SLC16A4: variants seen among roughly 807,000 people sequenced by gnomAD.
The protein encoded by SLC16A4 is probable monocarboxylate transporter 5.
SLC16A4 carries 39 observed loss-of-function variants against 47.9 expected under a neutral mutation model. The observed-to-expected ratio is 0.81, with a 90% CI of 0.63 to 1.06. SLC16A4 has a LOEUF of 1.06. SLC16A4 is among the 50% of genes least tolerant of loss of function. The probability of loss-of-function intolerance (pLI) is 0.00; values close to 1 mark genes in which losing one functional copy is unlikely to be tolerated. For synonymous variants in SLC16A4, 189 were observed against 199.9 expected (o/e 0.95, Z 0.46); for missense variants, 524 against 573.8 (o/e 0.91, Z 0.89).
intron 3 of SLC16A4, among the ~76,000 whole-genome samples, 196 bp from the exon 4 acceptor site, chr1:110,381,991 G>A (rs1311282826): frequency 1.3e-5 from 2 of 152,178 alleles, no homozygotes; most frequent in African/African-American, 2.4e-5. Flanking sequence ...TTTGGAAGGG[G>A]AGTTTAAAAG....
rs1662057262 is a variant in SLC16A4, at chr1:110,377,217, C to CT, written c.1031-57_1031-56insA. 6 of 1,347,144 alleles carry CT rather than the reference C, an allele frequency of 4.5e-6. No homozygotes were observed. The South Asian group carries it at 7.6e-5, about 17-fold the overall frequency. The allele number at this position is 1,347,144 out of a possible 1,614,324, so 83.4% of individuals were successfully genotyped here. On this transcript the variant is annotated intron_variant, in intron 6 of 8. Coordinates refer to ENST00000369779, the MANE Select transcript of SLC16A4 (RefSeq NM_004696.3). The stretch of plus-strand genomic sequence containing the variant: ...CTGGTCCCTTTGAAAAATGTGAATG[C>CT]ATACAGCATCATTTCCCAAGTAATA...
chr1:110,364,660 G>A (rs1197158175), intron 8 of SLC16A4, among the ~76,000 whole-genome samples: 1 of 151,892 alleles, frequency 6.6e-6, no homozygotes, highest in African/African-American at 2.4e-5. Flanking sequence ...ACAGGTGCCC[G>A]CCACCACACC....
At chr1:110,364,900 T>C (rs1661295986) in intron 8 of SLC16A4, among the ~76,000 whole-genome samples, 1 of 151,852 alleles carries the variant, frequency 6.6e-6, no homozygotes, top group South Asian at 2.1e-4. Flanking sequence ...CACTTTTTTT[T>C]CTTTTTTTTT....
intron 7 of SLC16A4, among the ~76,000 whole-genome samples, chr1:110,376,726 T>G (rs1035520288): frequency 2.0e-5 from 3 of 150,514 alleles, no homozygotes; most frequent in Non-Finnish European, 4.4e-5. Context: ...ATCCCTTTTT[T>G]GCTTTAATTT....
chr1:110,373,580 A>T (rs1033496771), intron 8 of SLC16A4, among the ~76,000 whole-genome samples: 10 of 152,166 alleles, frequency 6.6e-5, no homozygotes, highest in African/African-American at 2.4e-4. Flanking sequence ...AATGCAAATA[A>T]GAGAGTTGGT....
intron 2 of SLC16A4, among the ~76,000 whole-genome samples, chr1:110,386,657 C>T (rs1662751589): frequency 6.6e-6 from 1 of 152,202 alleles, no homozygotes. Context: ...GGATCAGCCT[C>T]AGTGACTTAT....
At chr1:110,387,726 C>T (rs776285398) in intron 2 of SLC16A4, among the ~76,000 whole-genome samples, 1 of 115,344 alleles carries the variant, frequency 8.7e-6, no homozygotes, top group African/African-American at 3.3e-5. Flanking sequence ...ACCAACAGTG[C>T]CTATTCTGCA....
Position 110,380,977 on chromosome 1 carries a change from C to T in SLC16A4, c.526+5G>A, listed in dbSNP as rs572509211. On this transcript the variant is annotated splice_donor_5th_base_variant and intron_variant, in intron 5 of 8. Transcript: ENST00000369779. Reference sequence around the variant, plus strand: ...TTGATAGTAAATAAACTTAGAATGACGTACCTGTCCAGTCATACAGATCTA... The same window carrying T: ...TTGATAGTAAATAAACTTAGAATGATGTACCTGTCCAGTCATACAGATCTA... 45 of 1,612,634 alleles carry T rather than the reference C, an allele frequency of 2.8e-5. No homozygotes were observed. In the East Asian group the frequency reaches 6.0e-4, roughly 22 times the overall value.
chr1:110,363,967 C>T (rs1306835187), intron 8 of SLC16A4, 74 bp from the exon 9 acceptor site: 18 of 1,489,174 alleles, frequency 1.2e-5, no homozygotes, highest in Non-Finnish European at 1.6e-5. Context: ...AATAGCTCCT[C>T]AAAGCAAGGA....
chr1:110,369,432 C>G (rs942779005), intron 8 of SLC16A4, among the ~76,000 whole-genome samples: 3 of 151,888 alleles, frequency 2.0e-5, no homozygotes, highest in African/African-American at 7.3e-5. Flanking sequence ...AATCCCATCT[C>G]TACTAAAAAT....
At chr1:110,381,166 T>G in intron 4 of SLC16A4, 23 bp from the exon 5 acceptor site, 1 of 1,608,694 alleles carries the variant, frequency 6.2e-7, no homozygotes, top group Non-Finnish European at 8.5e-7. Context: ...CGTAATAGTT[T>G]AGAATCACTC....
intron 1 of SLC16A4, among the ~76,000 whole-genome samples, 175 bp downstream of exon 1, chr1:110,390,690 G>A (rs899778487): frequency 3.3e-5 from 5 of 152,180 alleles, no homozygotes; most frequent in African/African-American, 1.2e-4. Context: ...TCTGAGGAAG[G>A]GGGAACAGTA....
rs548872866 is a variant in SLC16A4, at chr1:110,390,901, A to G, written c.-69T>C. 6.6e-6 allele frequency: 1 copy of G among 152,342 alleles called. No individual in the cohort carries two copies. The highest frequency in any genetic ancestry group is 2.4e-5 in the African/African-American group (1 of 41,582). 9.4% of individuals were successfully genotyped at this position (152,342 alleles called of 1,614,324 possible). A position where few individuals can be genotyped will look rare whatever the true frequency, so the allele number is the denominator to read the frequency against. The stretch of plus-strand genomic sequence containing the variant: ...TGTTCAGCAAAGAAATCCTCCACAG[A>G]TGGGGCAATTAAGGAAGAAAAATAA... On this transcript the variant is annotated 5_prime_UTR_variant, in exon 1 of 9. Coordinates refer to ENST00000369779, the MANE Select transcript of SLC16A4 (RefSeq NM_004696.3).
Position 110,379,337 on chromosome 1 carries a change from T to A in SLC16A4, c.546A>T (p.Gly182=), listed in dbSNP as rs765411042. Residue 182 remains glycine (G), a synonymous_variant, in exon 6 of 9, where the codon GGA becomes GGT. Transcript: ENST00000369779. ...AAGGCACCAAATTCAATGCGATAGC[T>A]CCAAATAATATAAGGGCTCCTAAAT... is the stretch of plus-strand genomic sequence containing the variant. ...YDWTGALILF[G]AIALNLVPSS... 6.6e-5 allele frequency: 105 copies of A among 1,601,688 alleles called. No homozygotes were observed. In the South Asian group the frequency reaches 1.1e-3, roughly 18 times the overall value.
intron 6 of SLC16A4, among the ~76,000 whole-genome samples, chr1:110,378,441 C>T (rs933792390): frequency 6.6e-6 from 1 of 152,166 alleles, no homozygotes; most frequent in East Asian, 1.9e-4. Flanking sequence ...AAATACAGAG[C>T]AGGAGGTTGA....
chr1:110,389,146 C>G, intron 2 of SLC16A4, 91 bp downstream of exon 2: 1 of 1,117,042 alleles, frequency 9.0e-7, no homozygotes, highest in African/African-American at 1.5e-5. Context: ...CAAAGATTTC[C>G]TAAGTGATCC....
At chr1:110,384,660 G>A (rs950661144) in intron 2 of SLC16A4, among the ~76,000 whole-genome samples, 1 of 152,164 alleles carries the variant, frequency 6.6e-6, no homozygotes, top group African/African-American at 2.4e-5. Context: ...CAGGGGTTTC[G>A]TAGCGTTGGC....
At chr1:110,375,815 T>G (rs1661966463) in intron 7 of SLC16A4, among the ~76,000 whole-genome samples, 1 of 152,216 alleles carries the variant, frequency 6.6e-6, no homozygotes, top group Non-Finnish European at 1.5e-5. Flanking sequence ...GGTTCATGGG[T>G]ACTTTTTCTT....
intron 8 of SLC16A4, among the ~76,000 whole-genome samples, chr1:110,364,127 C>A (rs945406452): frequency 2.6e-5 from 4 of 152,000 alleles, no homozygotes; most frequent in African/African-American, 9.7e-5. Flanking sequence ...GAACACATAC[C>A]GTTTTATTTT....
Sources: allele counts gnomAD v4.1 joint callset (sites outside exome capture counted in the v4.1 genomes callset), GRCh38; gene constraint gnomAD v4.1.1; transcripts MANE v1.5; gene names NCBI Gene and HGNC (gene_info 2026-07-23, HGNC 2026-07-21).